The following SORCS3 variants were observed in gnomAD, a reference collection of about 807,000 sequenced individuals.
SORCS3 encodes the protein VPS10 domain-containing receptor SorCS3.
A neutral mutation model predicts 146.3 loss-of-function variants in SORCS3; 57 were observed. The ratio of observed to expected loss-of-function variants is 0.39; its 90% CI spans 0.31 to 0.49. The LOEUF is 0.49. SORCS3 is among the 20% of genes least tolerant of loss of function. SORCS3 has a pLI of 0.92. For synonymous variants in SORCS3, 653 were observed against 618.5 expected (o/e 1.06, Z -0.83); for missense variants, 1,341 against 1,575.5 (o/e 0.85, Z 2.52).
At chr10:105,034,989 G>A (rs2055296332) in intron 4 of SORCS3, among the ~76,000 whole-genome samples, 1 of 152,166 alleles carries the variant, frequency 6.6e-6, no homozygotes, top group Non-Finnish European at 1.5e-5. Flanking sequence ...ACACACTTGA[G>A]ACAATTAAAT....
intron 3 of SORCS3, among the ~76,000 whole-genome samples, chr10:104,964,611 A>G (rs1015896292): frequency 2.0e-5 from 3 of 152,194 alleles, no homozygotes; most frequent in African/African-American, 7.2e-5. Flanking sequence ...AGGTTGGATG[A>G]ATAAATGGTG....
At chr10:105,022,686 A>G (rs1419569646) in intron 4 of SORCS3, among the ~76,000 whole-genome samples, 5 of 152,168 alleles carry the variant, frequency 3.3e-5, no homozygotes, top group Non-Finnish European at 7.4e-5. Context: ...CCAGAATGTC[A>G]TTGTGGGACA....
chr10:104,925,356 T>C (rs533740250), intron 3 of SORCS3, among the ~76,000 whole-genome samples: 3 of 152,354 alleles, frequency 2.0e-5, no homozygotes, highest in Non-Finnish European at 4.4e-5. Context: ...TATGTTAGAA[T>C]GACCAGGTTA....
chr10:105,249,630 C>T (rs1245495499), intron 22 of SORCS3, among the ~76,000 whole-genome samples: 1 of 152,036 alleles, frequency 6.6e-6, no homozygotes, highest in Non-Finnish European at 1.5e-5. Context: ...GCCTGTAATC[C>T]TAGCACTTTG....
chr10:104,999,654 C>T (rs73334060), intron 4 of SORCS3, among the ~76,000 whole-genome samples: 8,123 of 152,256 alleles, frequency 0.053, 251 homozygotes, highest in Middle Eastern at 0.082. Context: ...AAACCCTGAT[C>T]TACACCCCAT....
At chr10:105,194,415 G>T (rs2056533507) in intron 14 of SORCS3, among the ~76,000 whole-genome samples, 1 of 152,106 alleles carries the variant, frequency 6.6e-6, no homozygotes, top group Non-Finnish European at 1.5e-5. Context: ...CACATGTTGG[G>T]GGTTTGATTA....
chr10:105,089,952 C>A, intron 6 of SORCS3, 113 bp downstream of exon 6: 1 of 768,226 alleles, frequency 1.3e-6, no homozygotes, highest in South Asian at 1.6e-5. Flanking sequence ...AGCTCCATTA[C>A]AGCCACATCC....
intron 9 of SORCS3, among the ~76,000 whole-genome samples, chr10:105,148,043 CAA>C (rs2056144171): frequency 2.0e-5 from 3 of 152,040 alleles, no homozygotes; most frequent in African/African-American, 7.3e-5. Context: ...GCTGACTCAA[CAA>C]AGTTAGTATT....
At chr10:104,857,945 G>A (rs796233568) in intron 2 of SORCS3, among the ~76,000 whole-genome samples, 12 of 152,272 alleles carry the variant, frequency 7.9e-5, no homozygotes, top group African/African-American at 2.6e-4. Flanking sequence ...GCAAACGGAA[G>A]AATTTGGAAC....
chr10:104,660,333 G>T (rs911000786), intron 1 of SORCS3, among the ~76,000 whole-genome samples: 1 of 152,154 alleles, frequency 6.6e-6, no homozygotes, highest in Non-Finnish European at 1.5e-5. Flanking sequence ...GAGCTGGGTA[G>T]GACCTATTGT....
chr10:104,731,425 G>A (rs138513333), intron 1 of SORCS3, among the ~76,000 whole-genome samples: 64 of 152,330 alleles, frequency 4.2e-4, no homozygotes, highest in Non-Finnish European at 8.2e-4. Flanking sequence ...AGCAGGGCTT[G>A]TGATTTAACT....
chr10:104,923,472 C>T (rs931522999), intron 3 of SORCS3, among the ~76,000 whole-genome samples: 2 of 152,232 alleles, frequency 1.3e-5, no homozygotes, highest in Non-Finnish European at 2.9e-5. Flanking sequence ...CACACTGGCT[C>T]TGCTGGTAGA....
intron 1 of SORCS3, among the ~76,000 whole-genome samples, chr10:104,798,447 G>A (rs1478492093): frequency 6.6e-6 from 1 of 152,120 alleles, no homozygotes; most frequent in African/African-American, 2.4e-5. Context: ...CAATCACAGA[G>A]AAGCTCTTTT....
chr10:105,137,790 G>A (rs1300463960), intron 7 of SORCS3, among the ~76,000 whole-genome samples: 1 of 151,420 alleles, frequency 6.6e-6, no homozygotes, highest in African/African-American at 2.4e-5. Context: ...TCTGATGCAT[G>A]CTGAAGTTTA....
At chr10:105,251,232 A>G (rs1362679819) in intron 22 of SORCS3, among the ~76,000 whole-genome samples, 1 of 152,190 alleles carries the variant, frequency 6.6e-6, no homozygotes, top group Non-Finnish European at 1.5e-5. Flanking sequence ...GACAGGAAAG[A>G]GAAGAGTGGC....
chr10:104,810,968 A>G (rs1423360507), intron 1 of SORCS3, among the ~76,000 whole-genome samples: 2 of 152,254 alleles, frequency 1.3e-5, no homozygotes, highest in Non-Finnish European at 2.9e-5. Context: ...AGAGATGTAT[A>G]CCACAAAGAG....
intron 1 of SORCS3, among the ~76,000 whole-genome samples, chr10:104,795,620 GC>G (rs2017545957): frequency 6.6e-6 from 1 of 152,108 alleles, no homozygotes; most frequent in South Asian, 2.1e-4. Context: ...CGGCATTCCT[GC>G]CTTGTCACTA....
chr10:104,657,628 C>T (rs1554842053), intron 1 of SORCS3, among the ~76,000 whole-genome samples: 1 of 152,138 alleles, frequency 6.6e-6, no homozygotes. Flanking sequence ...TACTCTTTTT[C>T]CTTCTCACTC....
chr10:104,847,464 A>G (rs3976794), intron 2 of SORCS3, among the ~76,000 whole-genome samples: 93,748 of 152,006 alleles, frequency 0.62, 32,093 homozygotes, highest in East Asian at 0.84. Flanking sequence ...CTGCCTGTCC[A>G]TCCTAAGCAT....
Sources: gnomAD v4.1 joint callset for allele counts (sites outside exome capture counted in the v4.1 genomes callset) on GRCh38, gnomAD v4.1.1 for gene constraint, MANE v1.5 for transcripts, NCBI Gene and HGNC (gene_info 2026-07-23, HGNC 2026-07-21) for gene names.